Variants in ARHGAP22 observed in about 807,000 individuals in gnomAD.
The protein encoded by ARHGAP22 is rho GTPase-activating protein 22.
Under a neutral mutation model 59.1 loss-of-function variants are expected in ARHGAP22, and 48 were observed. That is an observed-to-expected ratio of 0.81 (90% CI 0.64 to 1.03). The LOEUF is 1.03. Among genes scored for constraint, ARHGAP22 ranks in the 50% least tolerant of loss-of-function variants. ARHGAP22 has a pLI of 0.00. For missense variants in ARHGAP22, 1,015 were observed against 958.7 expected (o/e 1.06, Z -0.78); for synonymous variants, 445 against 416.4 (o/e 1.07, Z -0.84).
chr10:48,479,276 C>T, intron 4 of ARHGAP22: 1 of 320,442 alleles, frequency 3.1e-6, no homozygotes, highest in Non-Finnish European at 5.7e-6. Flanking sequence ...GGCTTTGTGA[C>T]ATGTCTCACC....
intron 3 of ARHGAP22, among the ~76,000 whole-genome samples, chr10:48,553,310 G>A (rs892604094): frequency 3.9e-5 from 6 of 152,256 alleles, no homozygotes; most frequent in Non-Finnish European, 7.3e-5. Context: ...GGAGCAGCTC[G>A]CAGGATCTGC....
At chr10:48,544,975 G>A (rs1405854920) in intron 3 of ARHGAP22, among the ~76,000 whole-genome samples, 1 of 152,142 alleles carries the variant, frequency 6.6e-6, no homozygotes, top group African/African-American at 2.4e-5. Flanking sequence ...TGCTTTAAGT[G>A]TAAATACCAA....
chr10:48,467,972 C>T (rs1343595694), intron 4 of ARHGAP22, among the ~76,000 whole-genome samples: 1 of 152,200 alleles, frequency 6.6e-6, no homozygotes, highest in African/African-American at 2.4e-5. Flanking sequence ...GCACTCACCA[C>T]AGGGGCACAA....
At chr10:48,469,139 G>A (rs3906889) in intron 4 of ARHGAP22, among the ~76,000 whole-genome samples, 1 of 152,120 alleles carries the variant, frequency 6.6e-6, no homozygotes, top group Admixed American at 6.5e-5. Context: ...TGTGTCTTCA[G>A]AGTCAGACTG....
At chr10:48,640,598 C>G (rs796617281) in intron 1 of ARHGAP22, among the ~76,000 whole-genome samples, 9 of 152,206 alleles carry the variant, frequency 5.9e-5, no homozygotes, top group African/African-American at 1.9e-4. Flanking sequence ...AAAATACAAA[C>G]TGTTAATTAA....
chr10:48,466,185 G>T (rs1282330792), intron 4 of ARHGAP22, among the ~76,000 whole-genome samples: 2 of 152,016 alleles, frequency 1.3e-5, no homozygotes, highest in Non-Finnish European at 2.9e-5. Flanking sequence ...GCCCAGGTAG[G>T]CTTGGGGTCA....
chr10:48,552,064 T>G (rs191653214), intron 3 of ARHGAP22, among the ~76,000 whole-genome samples: 2 of 152,274 alleles, frequency 1.3e-5, no homozygotes, highest in African/African-American at 4.8e-5. Flanking sequence ...GTTTCCTCAT[T>G]TTTAATTCTA....
At chr10:48,507,244 AG>A (rs1047430708) in intron 3 of ARHGAP22, among the ~76,000 whole-genome samples, 2 of 152,220 alleles carry the variant, frequency 1.3e-5, no homozygotes, top group African/African-American at 4.8e-5. Flanking sequence ...CTAGAGTCCA[AG>A]GACACGCAAA....
At chr10:48,494,493 G>A (rs1000179790) in intron 3 of ARHGAP22, among the ~76,000 whole-genome samples, 1 of 152,200 alleles carries the variant, frequency 6.6e-6, no homozygotes, top group Non-Finnish European at 1.5e-5. Flanking sequence ...AAGGGGCTAC[G>A]CCTGTGCCGA....
At chr10:48,486,318 TTTTTA>T (rs1266242165) in intron 3 of ARHGAP22, among the ~76,000 whole-genome samples, 1 of 151,682 alleles carries the variant, frequency 6.6e-6, no homozygotes, top group African/African-American at 2.4e-5. Flanking sequence ...ATTGTTGCTA[TTTTTA>T]TTTTATTATT....
At chr10:48,589,242 T>C (rs1467292468) in intron 1 of ARHGAP22, among the ~76,000 whole-genome samples, 1 of 152,136 alleles carries the variant, frequency 6.6e-6, no homozygotes. Context: ...CAGACACTAT[T>C]AATCACCCTC....
intron 3 of ARHGAP22, among the ~76,000 whole-genome samples, chr10:48,520,789 A>T (rs998126483): frequency 1.3e-5 from 2 of 152,036 alleles, no homozygotes. Flanking sequence ...AGGAAGGGTG[A>T]GGGGCGAAGA....
intron 2 of ARHGAP22, among the ~76,000 whole-genome samples, chr10:48,565,188 A>G (rs2135428805): frequency 6.6e-6 from 1 of 152,184 alleles, no homozygotes; most frequent in South Asian, 2.1e-4. Flanking sequence ...AGTGATAGTA[A>G]ACTTTGGGAC....
intron 3 of ARHGAP22, among the ~76,000 whole-genome samples, chr10:48,542,143 T>C (rs768582460): frequency 1.3e-5 from 2 of 152,122 alleles, no homozygotes; most frequent in African/African-American, 2.4e-5. Context: ...TGCACCAAAC[T>C]CACTCAGGAC....
At chr10:48,558,470 C>T (rs1328158962) in intron 2 of ARHGAP22, among the ~76,000 whole-genome samples, 1 of 152,056 alleles carries the variant, frequency 6.6e-6, no homozygotes, top group Non-Finnish European at 1.5e-5. Context: ...TCCAGTGAGC[C>T]TCCCACCTCG....
chr10:48,528,071 G>T (rs1448139340), intron 3 of ARHGAP22, among the ~76,000 whole-genome samples: 1 of 152,230 alleles, frequency 6.6e-6, no homozygotes, highest in Non-Finnish European at 1.5e-5. Flanking sequence ...GAGACCCACA[G>T]TTGGGTGGTG....
At chr10:48,500,205 G>A (rs1304785357) in intron 3 of ARHGAP22, among the ~76,000 whole-genome samples, 1 of 152,172 alleles carries the variant, frequency 6.6e-6, no homozygotes, top group East Asian at 1.9e-4. Context: ...TTAGCCACGT[G>A]TGGTGGCGCA....
chr10:48,522,275 G>A (rs1017636250), intron 3 of ARHGAP22, among the ~76,000 whole-genome samples: 1 of 152,186 alleles, frequency 6.6e-6, no homozygotes, highest in Non-Finnish European at 1.5e-5. Flanking sequence ...TTCAGACTCA[G>A]TGCCTACTCC....
intron 3 of ARHGAP22, among the ~76,000 whole-genome samples, chr10:48,509,452 T>C (rs2052526320): frequency 6.6e-6 from 1 of 152,236 alleles, no homozygotes; most frequent in African/African-American, 2.4e-5. Flanking sequence ...AATGACACTG[T>C]TGTGGTATTT....
Sources: gnomAD v4.1 joint callset for allele counts (sites outside exome capture counted in the v4.1 genomes callset) on GRCh38, gnomAD v4.1.1 for gene constraint, MANE v1.5 for transcripts, NCBI Gene and HGNC (gene_info 2026-07-23, HGNC 2026-07-21) for gene names.